COLEC11: variants seen among roughly 807,000 people sequenced by gnomAD.
The protein encoded by COLEC11 is collectin subfamily member 11, also known as collectin-11.
A neutral mutation model predicts 27.3 loss-of-function variants in COLEC11; 20 were observed. The ratio of observed to expected loss-of-function variants is 0.73; its 90% CI spans 0.51 to 1.06. The LOEUF is 1.06. Among genes scored for constraint, COLEC11 ranks in the 50% least tolerant of loss-of-function variants. The pLI is 0.00. For synonymous variants in COLEC11, 163 were observed against 154.7 expected (o/e 1.05, Z -0.40); for missense variants, 310 against 383.0 (o/e 0.81, Z 1.59).
chr2:3,635,680 T>G (rs115832574), intron 3 of COLEC11, among the ~76,000 whole-genome samples: 2,298 of 152,326 alleles, frequency 0.015, 23 homozygotes, highest in South Asian at 0.044. Flanking sequence ...GCGCCTGGTG[T>G]GCGAAGCAGA....
intron 5 of COLEC11, chr2:3,641,158 T>C (rs1665832576): frequency 8.1e-7 from 1 of 1,238,886 alleles, no homozygotes; most frequent in African/African-American, 1.6e-5. Context: ...CGGAAGGTGC[T>C]TTCCGAGAAG....
chr2:3,599,768 G>A (rs1662088248), intron 1 of COLEC11, among the ~76,000 whole-genome samples: 1 of 152,180 alleles, frequency 6.6e-6, no homozygotes, highest in Non-Finnish European at 1.5e-5. Flanking sequence ...TGGCCTACTG[G>A]CCCCACAGTC....
chr2:3,625,435 C>T (rs934714893), intron 3 of COLEC11, among the ~76,000 whole-genome samples: 3 of 151,914 alleles, frequency 2.0e-5, no homozygotes, highest in African/African-American at 7.3e-5. Flanking sequence ...TTAGGGAAGG[C>T]ACTCGGGAGG....
In COLEC11 at chr2:3,643,870, G is replaced by T; in HGVS notation, c.568G>T (p.Ala190Ser). ...GGACGAGGCTGCCAATGGCCTGATG[G>T]CCGCATACCTGGCGCAAGCCGGCCT... ...PKDEAANGLM[A>S]AYLAQAGLAR... The change falls in exon 7 of 7, where the codon GCC (alanine) becomes TCC (serine). Residue 190 changes from alanine (A) to serine (S), a missense_variant. Ala to Ser is a moderately conservative substitution (Grantham distance 99). Coordinates refer to ENST00000349077, the MANE Select transcript of COLEC11 (RefSeq NM_024027.5). The T allele has an allele frequency of 1.1e-5, 18 of 1,613,752 alleles. No homozygotes were observed. The highest frequency in any genetic ancestry group is 1.5e-5 in the Non-Finnish European group (18 of 1,180,012).
At chr2:3,606,013 T>G in intron 2 of COLEC11, 1 of 1,499,042 alleles carries the variant, frequency 6.7e-7, no homozygotes, top group East Asian at 2.5e-5. Context: ...TTTAATTATG[T>G]TGGAAGCAAC....
At position 3,643,649 on chromosome 2, in the gene COLEC11, C is replaced by A. The variant is rs1005850867; in HGVS notation, c.425-78C>A. 1.9e-6 allele frequency: 3 copies of A among 1,606,398 alleles called. No homozygotes were observed. In the African/African-American group the frequency reaches 4.0e-5, roughly 21 times the overall value. On this transcript the variant is annotated intron_variant, in intron 6 of 6. Coordinates refer to ENST00000349077, the MANE Select transcript of COLEC11 (RefSeq NM_024027.5). ...CGCCTGCCCTGCCTGCCCTGCCGGC[C>A]CCTGCTGCCTGTGGCTGTGCCTTAA...
At chr2:3,641,925 C>T (rs1448409179) in intron 5 of COLEC11, among the ~76,000 whole-genome samples, 2 of 152,236 alleles carry the variant, frequency 1.3e-5, no homozygotes, top group African/African-American at 4.8e-5. Context: ...TGGGCAGGCC[C>T]AGGCTCCGAT....
chr2:3,632,586 A>G (rs1665101377), intron 3 of COLEC11, among the ~76,000 whole-genome samples: 1 of 152,188 alleles, frequency 6.6e-6, no homozygotes, highest in Non-Finnish European at 1.5e-5. Context: ...TGACCTCTTT[A>G]AAGACCCTGC....
rs11889073 is a variant in COLEC11 at position 3,637,464 on chromosome 2, C to T, written c.203-69C>T. 0.022 allele frequency: 26,322 copies of T among 1,215,466 alleles called. 3,697 individuals are homozygous for T. The African/African-American group carries it at 0.32, about 15-fold the overall frequency. The allele number at this position is 1,215,466 out of a possible 1,614,324, so 75.3% of individuals were successfully genotyped here. On this transcript the variant is annotated intron_variant, in intron 3 of 6. Coordinates refer to ENST00000349077, the MANE Select transcript of COLEC11 (RefSeq NM_024027.5). Reference sequence around the variant, plus strand: ...GGAGGGCGGTCGGGTTATCCGTGCACGTGTGTGATGGAGGAGGCCACGGTG... The same window carrying T: ...GGAGGGCGGTCGGGTTATCCGTGCATGTGTGTGATGGAGGAGGCCACGGTG...
chr2:3,610,701 G>T (rs1354805750), intron 2 of COLEC11, among the ~76,000 whole-genome samples: 4 of 152,118 alleles, frequency 2.6e-5, no homozygotes, highest in Non-Finnish European at 5.9e-5. Flanking sequence ...TGCACCTGCT[G>T]ACCCTGTCCT....
In COLEC11 at chr2:3,628,917, G is replaced by C. The variant is rs114304613; in HGVS notation, c.203-8616G>C. The stretch of plus-strand genomic sequence containing the variant: ...GGATGGGCTGTGGCGTTCGTGCCCA[G>C]TGTGCCGGGTGCCACAGCCAGAAGC... On this transcript the variant is annotated intron_variant, in intron 3 of 6. Coordinates refer to ENST00000349077, the MANE Select transcript of COLEC11 (RefSeq NM_024027.5). 2.9e-3 allele frequency among the ~76,000 whole-genome samples: 439 copies of C among 152,338 alleles called. 4 individuals are homozygous for C. The highest frequency in any genetic ancestry group is 1.0e-2 in the African/African-American group (414 of 41,576).
chr2:3,603,732 C>A, intron 1 of COLEC11: 1 of 1,479,192 alleles, frequency 6.8e-7, no homozygotes, highest in Non-Finnish European at 9.2e-7. Context: ...GGCTCGGCCC[C>A]CACCTCCCCA....
intron 3 of COLEC11, among the ~76,000 whole-genome samples, chr2:3,625,725 C>T (rs368199699): frequency 8.1e-4 from 115 of 142,090 alleles, no homozygotes; most frequent in African/African-American, 2.9e-3. Flanking sequence ...CTCTGCCTCC[C>T]GGGTTCAAGT....
intron 2 of COLEC11, among the ~76,000 whole-genome samples, chr2:3,609,760 C>A (rs1023587084): frequency 2.0e-5 from 3 of 152,198 alleles, no homozygotes; most frequent in Non-Finnish European, 4.4e-5. Flanking sequence ...AAACTCTTGA[C>A]CTCAGGTGAT....
intron 3 of COLEC11, chr2:3,626,144 A>G (rs1409662388): frequency 2.1e-6 from 3 of 1,432,494 alleles, no homozygotes; most frequent in South Asian, 2.3e-5. Flanking sequence ...CCTGAGATGC[A>G]GAGAATAGGC....
rs565694120 is a variant in COLEC11, at chr2:3,631,028, C to T, written c.203-6505C>T. The stretch of plus-strand genomic sequence containing the variant: ...AGGCCGAGGTGGGTGGTCAGGAGTT[C>T]GAGACCAGCCTGGCTAACATGGTGA... On this transcript the variant is annotated intron_variant, in intron 3 of 6. Coordinates refer to ENST00000349077, the MANE Select transcript of COLEC11 (RefSeq NM_024027.5). Among the ~76,000 whole-genome samples, 25 of 152,154 alleles carry T rather than the reference C, an allele frequency of 1.6e-4. No homozygotes were observed. In the South Asian group the frequency reaches 5.0e-3, roughly 30 times the overall value.
At chr2:3,601,732 C>T (rs558137183) in intron 1 of COLEC11, among the ~76,000 whole-genome samples, 27 of 152,316 alleles carry the variant, frequency 1.8e-4, no homozygotes, top group East Asian at 3.9e-4. Flanking sequence ...CTCCCACGCG[C>T]GTGCCCAAGC....
intron 3 of COLEC11, among the ~76,000 whole-genome samples, chr2:3,628,515 T>C (rs546260169): frequency 5.9e-5 from 9 of 152,348 alleles, no homozygotes; most frequent in African/African-American, 1.7e-4. Flanking sequence ...GCAAAGTGCA[T>C]GCTCTGCACA....
intron 5 of COLEC11, 21 bp downstream of exon 5, chr2:3,640,352 G>A: frequency 1.4e-6 from 2 of 1,439,158 alleles, no homozygotes; most frequent in Non-Finnish European, 2.0e-6. Context: ...AAGGGTCCAA[G>A]GATTTTTAAT....
Sources: gnomAD v4.1 joint callset for allele counts (sites outside exome capture counted in the v4.1 genomes callset) on GRCh38, gnomAD v4.1.1 for gene constraint, MANE v1.5 for transcripts, NCBI Gene and HGNC (gene_info 2026-07-23, HGNC 2026-07-21) for gene names.